The following KCNH8 variants were observed in gnomAD, a reference collection of about 807,000 sequenced individuals.
KCNH8 encodes potassium voltage-gated channel subfamily H member 8.
Under a neutral mutation model 103.6 loss-of-function variants are expected in KCNH8, and 70 were observed. That is an observed-to-expected ratio of 0.68 (90% confidence interval 0.56 to 0.82). The LOEUF is 0.82. KCNH8 is among the 40% of genes least tolerant of loss of function. The probability of loss-of-function intolerance (pLI) is 0.00; values close to 1 mark genes in which losing one functional copy is unlikely to be tolerated. For synonymous variants in KCNH8, 498 were observed against 489.4 expected (o/e 1.02, Z -0.23); for missense variants, 1,217 against 1,329.9 (o/e 0.92, Z 1.32).
intron 11 of KCNH8, among the ~76,000 whole-genome samples, chr3:19,479,752 CTA>C (rs780927414): frequency 7.2e-5 from 11 of 152,146 alleles, no homozygotes; most frequent in Non-Finnish European, 1.0e-4. Flanking sequence ...GACATTTTAA[CTA>C]TGAGAGTCGT....
intron 11 of KCNH8, among the ~76,000 whole-genome samples, chr3:19,469,445 G>C (rs866782115): frequency 6.6e-6 from 1 of 151,788 alleles, no homozygotes; most frequent in African/African-American, 2.4e-5. Context: ...GTTGTTTTTT[G>C]TTTTTTGTTT....
intron 2 of KCNH8, among the ~76,000 whole-genome samples, chr3:19,269,559 A>C (rs1337414841): frequency 1.3e-5 from 2 of 152,074 alleles, no homozygotes; most frequent in Non-Finnish European, 2.9e-5. Flanking sequence ...ATTCTTTTTC[A>C]TGCATATAAG....
At chr3:19,479,497 A>G (rs2068044534) in intron 11 of KCNH8, among the ~76,000 whole-genome samples, 1 of 152,140 alleles carries the variant, frequency 6.6e-6, no homozygotes, top group African/African-American at 2.4e-5. Context: ...TCTTCTTTAG[A>G]TTAGATGGTG....
At chr3:19,427,537 A>C (rs2067047002) in intron 7 of KCNH8, among the ~76,000 whole-genome samples, 1 of 152,216 alleles carries the variant, frequency 6.6e-6, no homozygotes, top group South Asian at 2.1e-4. Flanking sequence ...GAGGTTATAA[A>C]TTTCTTCACA....
chr3:19,226,918 C>T (rs1188275156), intron 1 of KCNH8, among the ~76,000 whole-genome samples: 1 of 152,166 alleles, frequency 6.6e-6, no homozygotes, highest in East Asian at 1.9e-4. Context: ...CACAATTTCC[C>T]AGTCTCTTAT....
intron 1 of KCNH8, among the ~76,000 whole-genome samples, chr3:19,164,654 T>G (rs2063264912): frequency 6.6e-6 from 1 of 152,186 alleles, no homozygotes; most frequent in African/African-American, 2.4e-5. Context: ...ATTAAGAACT[T>G]GATGATCATA....
intron 3 of KCNH8, among the ~76,000 whole-genome samples, chr3:19,339,632 C>G (rs1290460568): frequency 6.6e-6 from 1 of 152,080 alleles, no homozygotes; most frequent in South Asian, 2.1e-4. Flanking sequence ...GTTTTAAAAT[C>G]TACTTTTAGT....
chr3:19,154,077 T>C lies in KCNH8; in HGVS notation c.76+5282T>C, dbSNP rs113408947. ...TACTATAATATAGATTAGAAAAAGA[T>C]AAGTGTAATTCAGAAGGTGCAGACA... On this transcript the variant is annotated intron_variant, in intron 1 of 15. Transcript: ENST00000328405. Among the ~76,000 whole-genome samples, 627 of 152,312 alleles carry C rather than the reference T, an allele frequency of 4.1e-3. 2 individuals carry two copies. Among genetic ancestry groups the C allele is most frequent in the African/African-American group, 0.015 (608 of 41,572 alleles).
At chr3:19,438,412 C>T (rs1170109780) in intron 8 of KCNH8, 51 bp downstream of exon 8, 2 of 1,404,130 alleles carry the variant, frequency 1.4e-6, no homozygotes, top group African/African-American at 1.4e-5. Flanking sequence ...GCCTACCTAA[C>T]TGTCACTGCC....
intron 13 of KCNH8, among the ~76,000 whole-genome samples, chr3:19,514,379 T>C (rs2068837639): frequency 1.3e-5 from 2 of 151,944 alleles, no homozygotes; most frequent in South Asian, 4.1e-4. Flanking sequence ...ATTGCTTAAC[T>C]CTTCTTCCTA....
intron 11 of KCNH8, among the ~76,000 whole-genome samples, chr3:19,465,767 A>T (rs1194135275): frequency 6.6e-6 from 1 of 151,722 alleles, no homozygotes; most frequent in Non-Finnish European, 1.5e-5. Flanking sequence ...GTTGACTTTA[A>T]TCCTCATGGA....
chr3:19,258,943 C>CTATATA (rs1352620384), intron 2 of KCNH8, among the ~76,000 whole-genome samples: 32 of 53,388 alleles, frequency 6.0e-4, no homozygotes, highest in African/African-American at 7.9e-4. Flanking sequence ...CTCTCTCTCT[C>CTATATA]TCTCTATATA....
At chr3:19,324,847 C>G (rs1431933937) in intron 3 of KCNH8, among the ~76,000 whole-genome samples, 1 of 151,946 alleles carries the variant, frequency 6.6e-6, no homozygotes, top group Non-Finnish European at 1.5e-5. Context: ...TTTTAAAATT[C>G]ATGTGGAACC....
chr3:19,486,066 A>G (rs1456068711), intron 11 of KCNH8, among the ~76,000 whole-genome samples: 2 of 152,228 alleles, frequency 1.3e-5, no homozygotes, highest in South Asian at 2.1e-4. Flanking sequence ...TTTGGCTTCA[A>G]TGACAGCATC....
intron 3 of KCNH8, among the ~76,000 whole-genome samples, chr3:19,324,951 C>G (rs1363639074): frequency 2.0e-5 from 3 of 152,096 alleles, no homozygotes; most frequent in African/African-American, 7.2e-5. Context: ...TATGGGGGTA[C>G]AGTAACCAGA....
intron 11 of KCNH8, among the ~76,000 whole-genome samples, chr3:19,483,787 CCCT>C (rs1371957665): frequency 6.6e-6 from 1 of 152,082 alleles, no homozygotes; most frequent in African/African-American, 2.4e-5. Flanking sequence ...TCACACGTTC[CCCT>C]TTTTTTCACT....
chr3:19,316,233 G>GTATT (rs1424699597), intron 3 of KCNH8, among the ~76,000 whole-genome samples: 1 of 151,862 alleles, frequency 6.6e-6, no homozygotes, highest in Non-Finnish European at 1.5e-5. Context: ...GTGGGGGACT[G>GTATT]TCTTGTGCAT....
chr3:19,331,218 G>A (rs925652502), intron 3 of KCNH8, among the ~76,000 whole-genome samples: 28 of 150,336 alleles, frequency 1.9e-4, no homozygotes, highest in Non-Finnish European at 3.6e-4. Context: ...AGAAGATTTA[G>A]ATTTTGAGAT....
chr3:19,291,553 T>C (rs2064926368), intron 3 of KCNH8, among the ~76,000 whole-genome samples: 1 of 152,206 alleles, frequency 6.6e-6, no homozygotes, highest in Admixed American at 6.5e-5. Context: ...GTTGAGCGGT[T>C]TTGAGTGAGT....
Sources: allele counts gnomAD v4.1 joint callset (sites outside exome capture counted in the v4.1 genomes callset), GRCh38; gene constraint gnomAD v4.1.1; transcripts MANE v1.5; gene names NCBI Gene and HGNC (gene_info 2026-07-23, HGNC 2026-07-21).